CCT7: variants seen among roughly 807,000 people sequenced by gnomAD.
The protein encoded by CCT7 is chaperonin containing TCP1 subunit 7.
CCT7 carries 16 observed loss-of-function variants against 56.6 expected under a neutral mutation model. The observed-to-expected ratio is 0.28, with a 90% CI of 0.19 to 0.43. The LOEUF is 0.43. Among genes scored for constraint, CCT7 ranks in the 20% least tolerant of loss-of-function variants. The probability of loss-of-function intolerance (pLI) is 1.00; values close to 1 mark genes in which losing one functional copy is unlikely to be tolerated. For synonymous variants in CCT7, 262 were observed against 254.8 expected (o/e 1.03, Z -0.27); for missense variants, 519 against 685.6 (o/e 0.76, Z 2.71).
chr2:73,240,973 C>G (rs1377177141), intron 3 of CCT7, among the ~76,000 whole-genome samples: 2 of 149,340 alleles, frequency 1.3e-5, no homozygotes, highest in Non-Finnish European at 1.5e-5. Context: ...GGGGCTCAAG[C>G]CTTCTCTCAC....
At chr2:73,250,227 G>T (rs747981267) in intron 9 of CCT7, 79 bp from the exon 10 acceptor site, 244 of 1,539,972 alleles carry the variant, frequency 1.6e-4, no homozygotes, top group Non-Finnish European at 2.0e-4. Context: ...TGAGTGTTGG[G>T]GGGGCTGGCA....
At chr2:73,245,572 CACAGTAGT>C (rs1416146938) in intron 6 of CCT7, among the ~76,000 whole-genome samples, 1 of 152,230 alleles carries the variant, frequency 6.6e-6, no homozygotes, top group Non-Finnish European at 1.5e-5. Flanking sequence ...TTCTTTTTAA[CACAGTAGT>C]ATCTGTCTGG....
chr2:73,239,734 C>T lies in CCT7; in HGVS notation c.98C>T (p.Ala33Val), dbSNP rs758161315. The T allele has an allele frequency of 1.1e-5, 18 of 1,613,962 alleles. No homozygotes were observed. Among genetic ancestry groups the T allele is most frequent in the Non-Finnish European group, 1.4e-5 (17 of 1,179,864 alleles). Residue 33 changes from alanine to valine, a missense_variant, in exon 2 of 12, where the codon GCT (alanine) becomes GTT (valine). By Grantham distance (64) the Ala-to-Val change is moderately conservative (BLOSUM62 0). Around this residue, in one of 3 missense-constraint regions of CCT7, gnomAD observed 276 missense variants for 357.3 expected, o/e 0.77. Coordinates refer to ENST00000258091, the MANE Select transcript of CCT7 (RefSeq NM_006429.4). ...AACATCAGTGCCTGCCAGGTGATTG[C>T]TGAGGCTGTAAGAACTACCCTGGGT... ...VSNISACQVI[A>V]EAVRTTLGPR...
At position 73,242,999 on chromosome 2, in the gene CCT7, TC is replaced by T; in HGVS notation, c.268-3del. 6.2e-7 allele frequency: 1 copy of T among 1,613,828 alleles called. No individual in the cohort carries two copies. Among genetic ancestry groups the T allele is most frequent in the Non-Finnish European group, 8.5e-7 (1 of 1,179,882 alleles). ...AAACGTGTATTTCCTGTCATCATCT[TC>T]CAGGTGGGTGATGGCACCACCTCAG... On this transcript the variant is annotated splice_polypyrimidine_tract_variant and splice_region_variant and intron_variant, in intron 3 of 11. Transcript: ENST00000258091.
At chr2:73,245,979 ACTTCTAATCTAGAAATGGCATCCATTTC>A in intron 6 of CCT7, among the ~76,000 whole-genome samples, 1 of 152,146 alleles carries the variant, frequency 6.6e-6, no homozygotes, top group African/African-American at 2.4e-5. Flanking sequence ...ATTGGCATCC[ACTTCTAATCTAGAAATGGCATCCATTTC>A]TAATCTACAT....
chr2:73,245,974 C>T (rs1351661666), intron 6 of CCT7, among the ~76,000 whole-genome samples: 1 of 152,144 alleles, frequency 6.6e-6, no homozygotes, highest in African/African-American at 2.4e-5. Flanking sequence ...ATTAGATTGG[C>T]ATCCACTTCT....
chr2:73,238,064 C>T (rs1686954076), intron 1 of CCT7, among the ~76,000 whole-genome samples: 1 of 152,140 alleles, frequency 6.6e-6, no homozygotes, highest in South Asian at 2.1e-4. Context: ...TTAAATTACT[C>T]CCACTCTCTT....
chr2:73,251,509 A>G, intron 11 of CCT7, 77 bp downstream of exon 11: 3 of 1,326,452 alleles, frequency 2.3e-6, no homozygotes, highest in Non-Finnish European at 3.2e-6. Context: ...TGCTTACTCA[A>G]GCTGTGCACG....
rs547961887 is a variant in CCT7 at position 73,250,234 on chromosome 2, G to A, written c.1071-72G>A. 1.2e-4 allele frequency: 195 copies of A among 1,560,472 alleles called. 1 individual carries two copies. Among genetic ancestry groups the A allele is most frequent in the Admixed American group, 9.2e-4 (54 of 58,762 alleles). The stretch of plus-strand genomic sequence containing the variant: ...GCAGCTGCTGAGTGTTGGGGGGGCT[G>A]GCAGTGAGGACAATACAGTAGGATG... On this transcript the variant is annotated intron_variant, in intron 9 of 11. Coordinates refer to ENST00000258091, the MANE Select transcript of CCT7 (RefSeq NM_006429.4).
rs898362988 is a variant in CCT7 at position 73,250,192 on chromosome 2, G to A, written c.1071-114G>A. 6.2e-6 allele frequency: 8 copies of A among 1,294,806 alleles called. No individual in the cohort carries two copies. In the African/African-American group the frequency reaches 9.1e-5, roughly 15 times the overall value. The allele number at this position is 1,294,806 out of a possible 1,614,324, so 80.2% of individuals were successfully genotyped here. ...CTATAAGGTTGGGATTGGGTAACCT[G>A]AGTGAAGAATGTAAGAGCAGCTGCT... On this transcript the variant is annotated intron_variant, in intron 9 of 11. Transcript: ENST00000258091.
Position 73,250,347 on chromosome 2 carries a change from C to T in CCT7, c.1112C>T (p.Thr371Ile). 1.2e-6 allele frequency: 2 copies of T among 1,614,036 alleles called. No individual in the cohort carries two copies. The highest frequency in any genetic ancestry group is 1.7e-6 in the Non-Finnish European group (2 of 1,179,950). The change falls in exon 10 of 12, where the codon ACC becomes ATC. Residue 371 changes from threonine to isoleucine, a missense_variant. Transcript: ENST00000258091. Reference protein sequence around the residue: ...FTGCPKAKTCTFILRGGAEQF... With the variant: ...FTGCPKAKTCIFILRGGAEQF... ...GGCTGCCCCAAGGCCAAGACATGCA[C>T]CTTCATTCTCCGTGGCGGCGCCGAG...
At position 73,249,855 on chromosome 2, in the gene CCT7, C is replaced by T. The variant is rs758630474; in HGVS notation, c.1009C>T (p.Leu337=). 4 of 1,613,992 alleles carry T rather than the reference C, an allele frequency of 2.5e-6. No homozygotes were observed. The highest frequency in any genetic ancestry group is 2.2e-5 in the South Asian group (2 of 91,078). Residue 337 remains leucine (L), a synonymous_variant, in exon 9 of 12, where the codon CTG becomes TTG. Coordinates refer to ENST00000258091, the MANE Select transcript of CCT7 (RefSeq NM_006429.4). ...GGSIQTSVNA[L]SADVLGRCQV... ...CTCAATCCAGACCAGTGTGAATGCT[C>T]TGTCAGCAGATGTGCTGGGTCGATG...
intron 1 of CCT7, among the ~76,000 whole-genome samples, chr2:73,236,416 A>C (rs1166652504): frequency 6.6e-6 from 1 of 150,902 alleles, no homozygotes; most frequent in Non-Finnish European, 1.5e-5. Context: ...ATCTTGGCTC[A>C]CTGCAACCTC....
chr2:73,235,764 T>TA (rs1446198960), intron 1 of CCT7: 1 of 165,388 alleles, frequency 6.0e-6, no homozygotes, highest in Admixed American at 6.5e-5. Context: ...TGTTAGCTCT[T>TA]ACTCGGCGAG....
chr2:73,251,554 C>T (rs886595081), intron 11 of CCT7, 122 bp downstream of exon 11: 5 of 789,464 alleles, frequency 6.3e-6, no homozygotes, highest in South Asian at 1.7e-5. Flanking sequence ...CTCCCCCCAG[C>T]CTGTCTGCCT....
chr2:73,248,879 C>T, intron 7 of CCT7, 112 bp from the exon 8 acceptor site: 1 of 819,996 alleles, frequency 1.2e-6, no homozygotes, highest in Admixed American at 2.5e-5. Context: ...TCTGTTAATT[C>T]CCAGATGAAT....
chr2:73,251,063 T>C (rs1271346117), intron 10 of CCT7, among the ~76,000 whole-genome samples, 163 bp from the exon 11 acceptor site: 2 of 151,936 alleles, frequency 1.3e-5, no homozygotes, highest in Non-Finnish European at 2.9e-5. Context: ...CAGGTTGAAG[T>C]TGGGATGTTC....
chr2:73,242,085 A>G (rs1687141632), intron 3 of CCT7, among the ~76,000 whole-genome samples: 1 of 149,636 alleles, frequency 6.7e-6, no homozygotes, highest in African/African-American at 2.5e-5. Flanking sequence ...TGGTCCTAGG[A>G]CGTTTGTTTT....
intron 1 of CCT7, among the ~76,000 whole-genome samples, chr2:73,236,869 AATCT>A (rs1479836699): frequency 6.6e-6 from 1 of 152,070 alleles, no homozygotes; most frequent in African/African-American, 2.4e-5. Context: ...GAACCTGGGG[AATCT>A]GTGGTTAGCT....
Sources: allele counts gnomAD v4.1 joint callset (sites outside exome capture counted in the v4.1 genomes callset), GRCh38; gene constraint gnomAD v4.1.1; regional missense constraint gnomAD v4.1.1; transcripts MANE v1.5; gene names NCBI Gene and HGNC (gene_info 2026-07-23, HGNC 2026-07-21).